C5: variants seen among roughly 807,000 people sequenced by gnomAD.
C5 encodes the protein complement C5, also known as C3 and PZP-like alpha-2-macroglobulin domain-containing protein 4.
C5 carries 140 observed loss-of-function variants against 218.8 expected under a neutral mutation model. The observed-to-expected ratio is 0.64, with a 90% CI of 0.56 to 0.74. The LOEUF (loss-of-function observed/expected upper bound fraction) is 0.74. Among genes scored for constraint, C5 ranks in the 30% least tolerant of loss-of-function variants. C5 has a pLI of 0.00. For missense variants in C5, 1,700 were observed against 1,969.6 expected (o/e 0.86, Z 2.59); for synonymous variants, 614 against 682.3 (o/e 0.90, Z 1.56).
At chr9:120,958,408 TA>T (rs1355935014) in intron 38 of C5, among the ~76,000 whole-genome samples, 2 of 152,238 alleles carry the variant, frequency 1.3e-5, no homozygotes. Context: ...TTCTCTGTGT[TA>T]AAATAGATTT....
At position 120,973,526 on chromosome 9, in the gene C5, G is replaced by A. The variant is rs190138705; in HGVS notation, c.4017+1253C>T. Among the ~76,000 whole-genome samples the A allele has an allele frequency of 1.4e-4, 21 of 152,330 alleles. No individual in the cohort carries two copies. In the East Asian group the frequency reaches 4.0e-3, roughly 29 times the overall value. On this transcript the variant is annotated intron_variant, in intron 30 of 40. Transcript: ENST00000223642. ...TGTAGAAGCCATGCCAATGCCTGGT[G>A]CTTTGCTTTCAGGTCTTTTGGTTTA...
Position 121,027,214 on chromosome 9 carries a change from T to C in C5, c.819A>G (p.Glu273=). The change falls in exon 8 of 41, where the codon GAA becomes GAG. Residue 273 remains glutamate (E), a synonymous_variant. Transcript: ENST00000223642. ...ADVYITFGIR[E]DLKDDQKEMM... ...TTTCTTTTTGATCATCTTTTAAGTC[T>C]TCTCTTATTCCAAATGTGATATAAA... 6.2e-7 allele frequency: 1 copy of C among 1,603,952 alleles called. No individual in the cohort carries two copies. The highest frequency in any genetic ancestry group is 8.5e-7 in the Non-Finnish European group (1 of 1,172,174).
chr9:120,954,758 T>C (rs1375270742), intron 39 of C5, among the ~76,000 whole-genome samples: 1 of 152,206 alleles, frequency 6.6e-6, no homozygotes, highest in Admixed American at 6.5e-5. Flanking sequence ...AATTGGCAAA[T>C]AGTGTATAAT....
intron 37 of C5, 136 bp from the exon 38 acceptor site, chr9:120,960,473 C>T: frequency 1.5e-6 from 1 of 654,430 alleles, no homozygotes; most frequent in Admixed American, 2.6e-5. Context: ...TAAGACCTGC[C>T]CATTTTCTTT....
chr9:120,966,640 C>T (rs1465069108), intron 33 of C5, among the ~76,000 whole-genome samples: 1 of 152,128 alleles, frequency 6.6e-6, no homozygotes, highest in Non-Finnish European at 1.5e-5. Flanking sequence ...TCATGCTCCT[C>T]CCCAGCTGGT....
chr9:120,992,455 G>A (rs1380543718), intron 22 of C5, among the ~76,000 whole-genome samples: 1 of 152,118 alleles, frequency 6.6e-6, no homozygotes, highest in Non-Finnish European at 1.5e-5. Flanking sequence ...GGATTTTTGT[G>A]GGATAAAAAT....
At chr9:121,005,490 T>C (rs1587974113) in intron 20 of C5, among the ~76,000 whole-genome samples, 1 of 152,086 alleles carries the variant, frequency 6.6e-6, no homozygotes, top group Non-Finnish European at 1.5e-5. Flanking sequence ...CACTGGATGG[T>C]GAGATGTGAA....
intron 14 of C5, 85 bp from the exon 15 acceptor site, chr9:121,016,468 T>C: frequency 6.5e-7 from 1 of 1,539,640 alleles, no homozygotes; most frequent in Non-Finnish European, 9.0e-7. Context: ...TGTTACATGG[T>C]TATCACAAAC....
intron 39 of C5, among the ~76,000 whole-genome samples, chr9:120,954,915 T>G (rs1032531535): frequency 1.3e-5 from 2 of 152,256 alleles, no homozygotes; most frequent in Non-Finnish European, 2.9e-5. Flanking sequence ...ATCTGCCATT[T>G]CAGCCCCTGT....
At chr9:121,001,874 C>G (rs1208221899) in intron 20 of C5, among the ~76,000 whole-genome samples, 1 of 151,994 alleles carries the variant, frequency 6.6e-6, no homozygotes, top group Non-Finnish European at 1.5e-5. Flanking sequence ...AAACATCTAT[C>G]CTACAGAAAT....
At chr9:120,958,847 A>G (rs1204099607) in intron 38 of C5, among the ~76,000 whole-genome samples, 1 of 151,998 alleles carries the variant, frequency 6.6e-6, no homozygotes, top group Non-Finnish European at 1.5e-5. Context: ...CTCAGGCTGG[A>G]GTGCAATGGC....
At chr9:120,963,486 A>T in intron 34 of C5, 150 bp downstream of exon 34, 1 of 660,782 alleles carries the variant, frequency 1.5e-6, no homozygotes, top group South Asian at 1.8e-5. Flanking sequence ...CTGGGCAACA[A>T]GAGTGAAAAT....
At chr9:120,999,657 T>C (rs2047143925) in intron 20 of C5, 1 of 237,670 alleles carries the variant, frequency 4.2e-6, no homozygotes, top group Admixed American at 5.3e-5. Flanking sequence ...TTCAGAGGAA[T>C]GTAATAGAAT....
At chr9:121,026,651 A>C (rs949075257) in intron 8 of C5, among the ~76,000 whole-genome samples, 1 of 152,122 alleles carries the variant, frequency 6.6e-6, no homozygotes, top group Non-Finnish European at 1.5e-5. Context: ...TCTCCTTGGG[A>C]ATAAAAAATC....
At chr9:120,956,090 G>A (rs2131661573) in intron 39 of C5, among the ~76,000 whole-genome samples, 1 of 152,172 alleles carries the variant, frequency 6.6e-6, no homozygotes, top group South Asian at 2.1e-4. Context: ...GAGCCTAGGA[G>A]TTCAGGACCA....
chr9:121,014,030 G>T lies in C5; in HGVS notation c.2100C>A (p.Tyr700Ter), dbSNP rs779822675. The T allele has an allele frequency of 6.2e-7, 1 of 1,614,094 alleles. No individual in the cohort carries two copies. The highest frequency in any genetic ancestry group is 1.3e-5 in the African/African-American group (1 of 75,006). ...YKHSVVKKCCYDGACVNNDET... is the reference protein window; with the variant it reads ...YKHSVVKKCC ...CATCATTATTAACGCAGGCTCCATC[G>T]TAACAACATTTCTTCACTACTGAAT... The change falls in exon 17 of 41, where the codon TAC (tyrosine) becomes TAA (stop). Residue 700 changes from tyrosine to a stop codon, truncating the protein, a stop_gained. Coordinates refer to ENST00000223642, the MANE Select transcript of C5 (RefSeq NM_001735.3). LOFTEE classifies it high-confidence loss of function.
intron 10 of C5, among the ~76,000 whole-genome samples, 162 bp from the exon 11 acceptor site, chr9:121,021,856 T>C (rs964043968): frequency 1.3e-5 from 2 of 152,068 alleles, no homozygotes; most frequent in South Asian, 4.1e-4. Flanking sequence ...GTTGCCCAGG[T>C]TGGAGTGCAG....
At chr9:120,963,039 G>A in intron 34 of C5, 72 bp from the exon 35 acceptor site, 1 of 1,113,680 alleles carries the variant, frequency 9.0e-7, no homozygotes, top group Non-Finnish European at 1.4e-6. Flanking sequence ...ACCTGTTGAT[G>A]AGATAGCACA....
At chr9:121,006,762 TTTGGTAATACA>T in intron 19 of C5, 131 bp downstream of exon 19, 1 of 653,392 alleles carries the variant, frequency 1.5e-6, no homozygotes, top group East Asian at 2.8e-5. Context: ...ATCCAAGTCT[TTTGGTAATACA>T]TAAAAAAAAG....
Sources: allele counts gnomAD v4.1 joint callset (sites outside exome capture counted in the v4.1 genomes callset), GRCh38; gene constraint gnomAD v4.1.1; transcripts MANE v1.5; gene names NCBI Gene and HGNC (gene_info 2026-07-23, HGNC 2026-07-21).